SYCE1: variants seen among roughly 807,000 people sequenced by gnomAD.
SYCE1 encodes the protein cancer/testis antigen 76.
In SYCE1, 37 loss-of-function variants were observed where a neutral mutation model predicts 55.1. The ratio of observed to expected loss-of-function variants is 0.67; its 90% CI spans 0.52 to 0.88. The LOEUF (loss-of-function observed/expected upper bound fraction) is 0.88. Ranked by LOEUF, SYCE1 falls within the 40% of genes least tolerant of loss-of-function variation. The pLI is 0.00. For synonymous variants in SYCE1, 163 were observed against 159.4 expected (o/e 1.02, Z -0.17); for missense variants, 399 against 416.4 (o/e 0.96, Z 0.36).
At chr10:133,563,846 A>C (rs190890061) in intron 1 of SYCE1, among the ~76,000 whole-genome samples, 1 of 152,286 alleles carries the variant, frequency 6.6e-6, no homozygotes, top group African/African-American at 2.4e-5. Context: ...GCATGTGTGA[A>C]AAAGTATGAA....
At chr10:133,559,810 G>T (rs1206889138) in intron 2 of SYCE1, 3 of 470,484 alleles carry the variant, frequency 6.4e-6, no homozygotes, top group Non-Finnish European at 1.2e-5. Flanking sequence ...GGAAGTGAAG[G>T]CGGCAACTTC....
intron 12 of SYCE1, 104 bp downstream of exon 12, chr10:133,555,247 C>A (rs1851629763): frequency 6.4e-7 from 1 of 1,572,446 alleles, no homozygotes; most frequent in African/African-American, 1.3e-5. Flanking sequence ...TCCCCATAGA[C>A]CATCCTCTGA....
chr10:133,554,107 A>G (rs983207492), downstream of SYCE1: 13 of 509,876 alleles, frequency 2.5e-5, no homozygotes, highest in Non-Finnish European at 3.8e-5. Context: ...TCAGTTCAAT[A>G]TATTTTCTAA....
intron 1 of SYCE1, among the ~76,000 whole-genome samples, chr10:133,565,018 C>T (rs904014267): frequency 2.0e-5 from 3 of 152,092 alleles, no homozygotes; most frequent in Admixed American, 6.5e-5. Flanking sequence ...CTCCCCGGGG[C>T]GTCGGGATGC....
intron 2 of SYCE1, chr10:133,559,729 T>G: frequency 2.4e-6 from 1 of 416,998 alleles, no homozygotes; most frequent in South Asian, 2.4e-5. Flanking sequence ...CAAAGACCCA[T>G]CATGAGGTGG....
Position 133,554,923 on chromosome 10 carries a change from TTCAA to T in SYCE1, c.*65_*68del. On this transcript the variant is annotated 3_prime_UTR_variant, in exon 13 of 13. Coordinates refer to ENST00000343131, the MANE Select transcript of SYCE1 (RefSeq NM_001143764.3). ...CCAAGAGGCAGAGTCAAGCCAAGGC[TTCAA>T]TCAGTCACAGGAGACTGGGGATCTT... is the stretch of plus-strand genomic sequence containing the variant. The T allele has an allele frequency of 6.8e-7, 1 of 1,473,102 alleles. No individual in the cohort carries two copies. The highest frequency in any genetic ancestry group is 9.0e-7 in the Non-Finnish European group (1 of 1,111,832). The allele number at this position is 1,473,102 out of a possible 1,614,324, so 91.3% of individuals were successfully genotyped here.
chr10:133,556,444 A>G (rs1261843747), intron 8 of SYCE1: 14 of 523,774 alleles, frequency 2.7e-5, no homozygotes, highest in Non-Finnish European at 3.4e-6. Context: ...TTTCTTGTTC[A>G]GTGCCTAGGA....
In SYCE1 at chr10:133,565,560, G is replaced by T; in HGVS notation, c.-31C>A. On this transcript the variant is annotated 5_prime_UTR_variant, in exon 1 of 13. Transcript: ENST00000343131. ...CTCAGCTCGCCAGCGAGGGTGCCTCGGGAGGGAGCCTCCAGTGGTGATTGG... is the reference window on the plus strand; with the variant it reads ...CTCAGCTCGCCAGCGAGGGTGCCTCTGGAGGGAGCCTCCAGTGGTGATTGG... 2 of 1,545,776 alleles carry T rather than the reference G, an allele frequency of 1.3e-6. No homozygotes were observed. The highest frequency in any genetic ancestry group is 8.7e-7 in the Non-Finnish European group (1 of 1,145,370).
intron 8 of SYCE1, 183 bp downstream of exon 8, chr10:133,556,574 CCT>C (rs1851688750): frequency 6.0e-6 from 4 of 661,578 alleles, no homozygotes; most frequent in Non-Finnish European, 1.1e-5. Context: ...CAGAGATCCC[CCT>C]GACCACTGAG....
intron 1 of SYCE1, among the ~76,000 whole-genome samples, chr10:133,564,009 A>T (rs35616031): frequency 0.098 from 14,875 of 152,074 alleles, 897 homozygotes; most frequent in East Asian, 0.25. Flanking sequence ...TTTAAAACAG[A>T]TAGACTAAAA....
chr10:133,568,158 C>G, upstream of SYCE1: 1 of 896,064 alleles, frequency 1.1e-6, no homozygotes, highest in Non-Finnish European at 1.8e-6. Context: ...CACAGGCCGC[C>G]CGTGGGTCCA....
upstream of SYCE1, among the ~76,000 whole-genome samples, chr10:133,566,362 C>T (rs920525614): frequency 6.6e-6 from 1 of 152,202 alleles, no homozygotes; most frequent in Non-Finnish European, 1.5e-5. Context: ...GAATCCTAAC[C>T]TATAAAAGGT....
At position 133,564,413 on chromosome 10, in the gene SYCE1, G is replaced by A. The variant is rs115545651; in HGVS notation, c.73+1044C>T. ...GTTAAAACTTACCTAAATATACTAG[G>A]TTATGTGAGGAACATGGAGCCATGA... On this transcript the variant is annotated intron_variant, in intron 1 of 12. Transcript: ENST00000343131. 2.4e-3 allele frequency: 2,356 copies of A among 984,216 alleles called. No homozygotes were observed. In the African/African-American group the frequency reaches 0.039, roughly 16 times the overall value. The allele number at this position is 984,216 out of a possible 1,614,324, so 61.0% of individuals were successfully genotyped here. A position where few individuals can be genotyped will look rare whatever the true frequency, so the allele number is the denominator to read the frequency against.
intron 6 of SYCE1, 93 bp from the exon 7 acceptor site, chr10:133,557,249 T>A: frequency 9.6e-7 from 1 of 1,040,384 alleles, no homozygotes; most frequent in Non-Finnish European, 1.5e-6. Flanking sequence ...GAGGCTATTT[T>A]TTCCCTCTAC....
At chr10:133,560,377 AG>A (rs34222148) in intron 1 of SYCE1, 44,773 of 418,040 alleles carry the variant, frequency 0.11, 3,004 homozygotes, top group East Asian at 0.26. Context: ...GGGTGAGGGC[AG>A]GGGTGCACTC....
intron 2 of SYCE1, chr10:133,559,751 G>A: frequency 2.5e-6 from 1 of 399,202 alleles, no homozygotes; most frequent in Non-Finnish European, 4.6e-6. Context: ...AACATGGCTG[G>A]CAGGAGCCTA....
upstream of SYCE1, chr10:133,567,755 T>C (rs1443425947): frequency 3.8e-6 from 1 of 261,646 alleles, no homozygotes; most frequent in Non-Finnish European, 7.8e-6. Context: ...GGCACCTCCC[T>C]TTGGGCGGCT....
chr10:133,567,786 T>G (rs1266396004), upstream of SYCE1: 1 of 328,330 alleles, frequency 3.0e-6, no homozygotes, highest in Admixed American at 3.8e-5. Context: ...GCTGGGCTGT[T>G]GGTACAGGAG....
chr10:133,565,064 T>C (rs746608559), intron 1 of SYCE1, among the ~76,000 whole-genome samples: 32 of 152,128 alleles, frequency 2.1e-4, no homozygotes, highest in Non-Finnish European at 3.8e-4. Context: ...ACCAGTTTAG[T>C]GCGACTGGGA....
Sources: allele counts gnomAD v4.1 joint callset (sites outside exome capture counted in the v4.1 genomes callset), GRCh38; gene constraint gnomAD v4.1.1; transcripts MANE v1.5; gene names NCBI Gene and HGNC (gene_info 2026-07-23, HGNC 2026-07-21).